IL1RAPL1: variants seen among roughly 807,000 people sequenced by gnomAD.
IL1RAPL1 encodes the protein interleukin 1 receptor accessory protein like 1.
Under a neutral mutation model 48.4 loss-of-function variants are expected in IL1RAPL1, and 3 were observed. The observed-to-expected ratio is 0.06, with a 90% CI of 0.03 to 0.16. The LOEUF is 0.16. Ranked by LOEUF, IL1RAPL1 falls within the 10% of genes least tolerant of loss-of-function variation. IL1RAPL1 has a pLI of 1.00. For missense variants in IL1RAPL1, 349 were observed against 530.6 expected, an observed-to-expected ratio of 0.66 and a Z score of 3.36; for synonymous variants, 185 against 187.7, an observed-to-expected ratio of 0.99 and a Z score of 0.12.
At chrX:28,724,376 G>A (rs1337543739) in intron 1 of IL1RAPL1, among the ~76,000 whole-genome samples, 5 of 111,176 alleles carry the variant, frequency 4.5e-5, no homozygotes, top group South Asian at 3.8e-4. Context: ...TTTGATCTTT[G>A]TTGGTTTAAA....
At chrX:28,604,548 G>A (rs1934062538) in intron 1 of IL1RAPL1, among the ~76,000 whole-genome samples, 1 of 109,408 alleles carries the variant, frequency 9.1e-6, no homozygotes, top group African/African-American at 3.3e-5. Context: ...CCAACATGGT[G>A]AAACCCTGTC....
At chrX:28,980,345 TACTG>T (rs1925300130) in intron 2 of IL1RAPL1, among the ~76,000 whole-genome samples, 4 of 112,794 alleles carry the variant, frequency 3.5e-5, no homozygotes, top group Admixed American at 2.8e-4. Context: ...CATTAAATCT[TACTG>T]ACCATTCTTA....
intron 3 of IL1RAPL1, among the ~76,000 whole-genome samples, chrX:29,390,534 T>G (rs955681554): frequency 5.4e-5 from 6 of 111,583 alleles, no homozygotes; most frequent in African/African-American, 2.0e-4. Flanking sequence ...GTATTTCCCT[T>G]AGGGACTTGA....
chrX:29,345,430 C>T (rs947591901), intron 3 of IL1RAPL1, among the ~76,000 whole-genome samples: 2 of 111,944 alleles, frequency 1.8e-5, no homozygotes, highest in Non-Finnish European at 3.8e-5. Context: ...ATTTTGTCTT[C>T]CTTCTCTCTG....
intron 2 of IL1RAPL1, among the ~76,000 whole-genome samples, chrX:29,160,470 GTAA>G (rs1002336931): frequency 1.8e-5 from 2 of 111,582 alleles, no homozygotes; most frequent in Non-Finnish European, 3.8e-5. Flanking sequence ...TAAAACGATA[GTAA>G]TAATAATATA....
At chrX:28,637,120 G>A (rs1397042618) in intron 1 of IL1RAPL1, among the ~76,000 whole-genome samples, 1 of 110,980 alleles carries the variant, frequency 9.0e-6, no homozygotes, top group African/African-American at 3.3e-5. Flanking sequence ...AATATTTAAG[G>A]TTGAAATTGG....
At chrX:29,639,352 G>A (rs1158066139) in intron 5 of IL1RAPL1, among the ~76,000 whole-genome samples, 1 of 110,724 alleles carries the variant, frequency 9.0e-6, no homozygotes, top group African/African-American at 3.3e-5. Flanking sequence ...TTTGCACAAA[G>A]TGTGTTCTCT....
At chrX:29,735,722 A>T (rs867782558) in intron 6 of IL1RAPL1, among the ~76,000 whole-genome samples, 1 of 105,192 alleles carries the variant, frequency 9.5e-6, no homozygotes, top group African/African-American at 3.9e-5. Flanking sequence ...TATGTTTGAG[A>T]TTTTTTTTTT....
chrX:29,521,900 G>T (rs1935507088), intron 5 of IL1RAPL1, among the ~76,000 whole-genome samples: 1 of 111,472 alleles, frequency 9.0e-6, no homozygotes, highest in African/African-American at 3.3e-5. Context: ...TATCTATTCT[G>T]ATTTCTCTTG....
intron 1 of IL1RAPL1, among the ~76,000 whole-genome samples, chrX:28,701,500 G>C (rs932613531): frequency 8.9e-6 from 1 of 112,226 alleles, no homozygotes; most frequent in African/African-American, 3.2e-5. Context: ...CTGCAAAGCT[G>C]TTTTGCAAAC....
chrX:29,418,125 A>ATATTTTT (rs1474269220), intron 5 of IL1RAPL1, among the ~76,000 whole-genome samples: 2 of 26,704 alleles, frequency 7.5e-5, no homozygotes, highest in African/African-American at 1.7e-4. Context: ...ATATATATAT[A>ATATTTTT]TTTTTTTTTT....
chrX:29,163,837 A>G (rs1443615691), intron 2 of IL1RAPL1, among the ~76,000 whole-genome samples: 1 of 112,078 alleles, frequency 8.9e-6, no homozygotes, highest in Non-Finnish European at 1.9e-5. Flanking sequence ...GCTAACCACC[A>G]GAAAATTTCT....
intron 5 of IL1RAPL1, among the ~76,000 whole-genome samples, chrX:29,429,859 A>G (rs998375332): frequency 3.9e-4 from 42 of 107,671 alleles, no homozygotes; most frequent in African/African-American, 1.4e-3. Context: ...CTTGTCATAT[A>G]TATAATTATA....
At chrX:29,211,581 T>C (rs957367454) in intron 2 of IL1RAPL1, among the ~76,000 whole-genome samples, 9 of 111,332 alleles carry the variant, frequency 8.1e-5, no homozygotes, top group African/African-American at 2.6e-4. Flanking sequence ...AAGCCTCTTA[T>C]ACTTGACGCA....
chrX:28,871,232 G>A (rs921072098), intron 2 of IL1RAPL1, among the ~76,000 whole-genome samples: 2 of 111,546 alleles, frequency 1.8e-5, no homozygotes, highest in African/African-American at 6.5e-5. Flanking sequence ...CAATAATTCC[G>A]AGTGGGAGAG....
chrX:28,948,581 A>G (rs899056298), intron 2 of IL1RAPL1, among the ~76,000 whole-genome samples: 6 of 111,736 alleles, frequency 5.4e-5, no homozygotes, highest in African/African-American at 2.0e-4. Context: ...CCTCCCTTAA[A>G]AAAGGATGGA....
intron 2 of IL1RAPL1, among the ~76,000 whole-genome samples, chrX:28,955,732 C>G (rs1276267741): frequency 9.5e-6 from 1 of 105,819 alleles, no homozygotes; most frequent in Non-Finnish European, 1.9e-5. Context: ...CAGCTTTGTT[C>G]TTTTGGCTTA....
chrX:29,680,899 C>A (rs1282734612), intron 6 of IL1RAPL1, among the ~76,000 whole-genome samples: 1 of 111,923 alleles, frequency 8.9e-6, no homozygotes, highest in Non-Finnish European at 1.9e-5. Flanking sequence ...TCTAAGCCTG[C>A]AGAGTATGTT....
chrX:28,688,782 A>T (rs755517472), intron 1 of IL1RAPL1, among the ~76,000 whole-genome samples: 1 of 111,434 alleles, frequency 9.0e-6, no homozygotes, highest in Non-Finnish European at 1.9e-5. Flanking sequence ...TATAATCTCT[A>T]CAGAATGAAT....
Sources: allele counts gnomAD v4.1 joint callset (sites outside exome capture counted in the v4.1 genomes callset), GRCh38; gene constraint gnomAD v4.1.1; transcripts MANE v1.5; gene names NCBI Gene and HGNC (gene_info 2026-07-23, HGNC 2026-07-21).